Variants in PGLYRP3 observed in about 807,000 individuals in gnomAD.
PGLYRP3 encodes peptidoglycan recognition protein 3.
A neutral mutation model predicts 36.0 loss-of-function variants in PGLYRP3; 39 were observed. The observed-to-expected ratio is 1.08, with a 90% CI of 0.84 to 1.41. The LOEUF is 1.41. PGLYRP3 is among the 40% of genes most tolerant of loss of function. The probability of loss-of-function intolerance (pLI) is 0.00; values close to 1 mark genes in which losing one functional copy is unlikely to be tolerated. For synonymous variants in PGLYRP3, 204 were observed against 172.8 expected, an observed-to-expected ratio of 1.18 and a Z score of -1.42; for missense variants, 407 against 427.9, an observed-to-expected ratio of 0.95 and a Z score of 0.43.
chr1:153,302,776 G>C (rs939573084), intron 5 of PGLYRP3, among the ~76,000 whole-genome samples, 169 bp from the exon 6 acceptor site: 6 of 152,286 alleles, frequency 3.9e-5, no homozygotes, highest in Admixed American at 1.3e-4. Flanking sequence ...CAGTTGGGAG[G>C]TTTCTGATTC....
At position 153,302,680 on chromosome 1, in the gene PGLYRP3, C is replaced by T. The variant is rs537457474; in HGVS notation, c.530-73G>A. ...CTGTGAGCAATCACTCAACTCCAGG[C>T]TGGATTATTCCTCAGCCTCTCCCAG... On this transcript the variant is annotated intron_variant, in intron 5 of 7. Transcript: ENST00000683862. The T allele has an allele frequency of 6.2e-6, 9 of 1,441,444 alleles. No individual in the cohort carries two copies. The African/African-American group carries it at 7.0e-5, about 11-fold the overall frequency. 89.3% of individuals were successfully genotyped at this position (1,441,444 alleles called of 1,614,324 possible). A position where few individuals can be genotyped will look rare whatever the true frequency, so the allele number is the denominator to read the frequency against.
chr1:153,308,965 C>T (rs903434413), intron 2 of PGLYRP3, among the ~76,000 whole-genome samples: 12 of 150,766 alleles, frequency 8.0e-5, no homozygotes, highest in Non-Finnish European at 3.0e-5. Context: ...CAGAGTGTCC[C>T]ATACCAAGAC....
chr1:153,310,018 T>C (rs910068027), intron 2 of PGLYRP3, among the ~76,000 whole-genome samples: 6 of 152,230 alleles, frequency 3.9e-5, no homozygotes, highest in African/African-American at 1.4e-4. Context: ...GGTCTGTGTA[T>C]GTAAAACAAA....
chr1:153,298,276 T>C (rs1659492420), intron 7 of PGLYRP3, 142 bp from the exon 8 acceptor site: 1 of 908,742 alleles, frequency 1.1e-6, no homozygotes, highest in Non-Finnish European at 1.7e-6. Context: ...TTTACGTAAA[T>C]TGTGGCAATC....
chr1:153,297,293 C>T lies in PGLYRP3; in HGVS notation c.*663G>A, dbSNP rs750754573. On this transcript the variant is annotated 3_prime_UTR_variant, in exon 8 of 8. Coordinates refer to ENST00000683862, the MANE Select transcript of PGLYRP3 (RefSeq NM_052891.3). ...TATAAATCATATCTATAAATAATTA[C>T]AGCCCTTAAGTAAGGGCTGCATCCA... Among the ~76,000 whole-genome samples the T allele has an allele frequency of 1.1e-4, 17 of 151,640 alleles. No homozygotes were observed. The highest frequency in any genetic ancestry group is 2.1e-4 in the Non-Finnish European group (14 of 67,972).
chr1:153,307,903 C>T (rs766719635), intron 2 of PGLYRP3, among the ~76,000 whole-genome samples: 33 of 152,124 alleles, frequency 2.2e-4, no homozygotes, highest in Middle Eastern at 3.2e-3. Flanking sequence ...CATGGGAGCC[C>T]CAGGAGCGCT....
At chr1:153,311,366 G>T (rs939889799) in intron 1 of PGLYRP3, among the ~76,000 whole-genome samples, 1 of 152,140 alleles carries the variant, frequency 6.6e-6, no homozygotes, top group Non-Finnish European at 1.5e-5. Context: ...TATGAGACCC[G>T]CACTTATCAT....
At chr1:153,308,831 C>T (rs554977928) in intron 2 of PGLYRP3, among the ~76,000 whole-genome samples, 49 of 152,192 alleles carry the variant, frequency 3.2e-4, no homozygotes, top group African/African-American at 1.0e-3. Context: ...AGGCCTTTGT[C>T]CTCCCACCTC....
intron 5 of PGLYRP3, among the ~76,000 whole-genome samples, chr1:153,302,872 G>C (rs1390887265): frequency 2.0e-5 from 3 of 152,220 alleles, no homozygotes; most frequent in Non-Finnish European, 4.4e-5. Flanking sequence ...GGAAAGGGCT[G>C]TGGGTTATAC....
rs146103729 is a variant in PGLYRP3 at position 153,309,892 on chromosome 1, T to C, written c.55+719A>G. On this transcript the variant is annotated intron_variant, in intron 2 of 7. Transcript: ENST00000683862. Reference sequence around the variant, plus strand: ...ATCAGGGCCTCAGCTTCTCCATTCATACAATGAAAGGCCTGTGAGTTTCTC... The same window carrying C: ...ATCAGGGCCTCAGCTTCTCCATTCACACAATGAAAGGCCTGTGAGTTTCTC... 1.1e-3 allele frequency among the ~76,000 whole-genome samples: 169 copies of C among 152,340 alleles called. 2 individuals carry two copies. In the East Asian group the frequency reaches 0.029, roughly 26 times the overall value.
At chr1:153,300,098 T>C (rs1306404968) in intron 6 of PGLYRP3, among the ~76,000 whole-genome samples, 2 of 152,200 alleles carry the variant, frequency 1.3e-5, no homozygotes, top group African/African-American at 4.8e-5. Context: ...TCTCTGAGTC[T>C]GCTATGAGGC....
chr1:153,300,526 A>C (rs532238098), intron 6 of PGLYRP3, among the ~76,000 whole-genome samples: 1 of 152,346 alleles, frequency 6.6e-6, no homozygotes, highest in East Asian at 1.9e-4. Flanking sequence ...AGGAGGTTGA[A>C]AAGGGTGGAC....
At position 153,297,724 on chromosome 1, in the gene PGLYRP3, T is replaced by C. The variant is rs1260736798; in HGVS notation, c.*232A>G. 2.4e-6 allele frequency: 1 copy of C among 424,892 alleles called. No individual in the cohort carries two copies. The highest frequency in any genetic ancestry group is 2.2e-5 in the African/African-American group (1 of 46,370). The allele number at this position is 424,892 out of a possible 1,614,324, so 26.3% of individuals were successfully genotyped here. A position where few individuals can be genotyped will look rare whatever the true frequency, so the allele number is the denominator to read the frequency against. On this transcript the variant is annotated 3_prime_UTR_variant, in exon 8 of 8. Coordinates refer to ENST00000683862, the MANE Select transcript of PGLYRP3 (RefSeq NM_052891.3). ...AGGAGGTAAGTGCCCAGGGGAGAGG[T>C]AGGTAAAAGAGAGGGGAAGTCTAAA...
chr1:153,301,250 T>C (rs1462343111), intron 6 of PGLYRP3, among the ~76,000 whole-genome samples: 1 of 152,210 alleles, frequency 6.6e-6, no homozygotes, highest in Admixed American at 6.5e-5. Flanking sequence ...AATCTCTCTC[T>C]GTTTGTTGTT....
At position 153,307,213 on chromosome 1, in the gene PGLYRP3, C is replaced by CT; in HGVS notation, c.109dup (p.Arg37LysfsTer56). The CT allele has an allele frequency of 6.2e-7, 1 of 1,611,660 alleles. No individual in the cohort carries two copies. Among genetic ancestry groups the CT allele is most frequent in the Non-Finnish European group, 8.5e-7 (1 of 1,179,102 alleles). On this transcript the variant is annotated frameshift_variant, in exon 3 of 8. Coordinates refer to ENST00000683862, the MANE Select transcript of PGLYRP3 (RefSeq NM_052891.3). LOFTEE classifies it high-confidence loss of function. The stretch of plus-strand genomic sequence containing the variant: ...GGCCACAGGCAGGGTCAGCAGGGCC[C>CT]TGCAGGCGAGCGGTCTTGCCCCCCA...
In PGLYRP3 at chr1:153,297,880, G is replaced by C; in HGVS notation, c.*76C>G. 6.6e-7 allele frequency: 1 copy of C among 1,514,806 alleles called. No individual in the cohort carries two copies. Among genetic ancestry groups the C allele is most frequent in the Non-Finnish European group, 9.0e-7 (1 of 1,106,480 alleles). 93.8% of individuals were successfully genotyped at this position (1,514,806 alleles called of 1,614,324 possible). On this transcript the variant is annotated 3_prime_UTR_variant, in exon 8 of 8. Transcript: ENST00000683862. ...GCAGGGGAGGGGGACACAAGGTGCT[G>C]AGCCACCTTGGCTGGTGAGGGTTGG...
intron 2 of PGLYRP3, among the ~76,000 whole-genome samples, chr1:153,309,338 G>A (rs1403349882): frequency 6.6e-6 from 1 of 152,190 alleles, no homozygotes; most frequent in East Asian, 1.9e-4. Context: ...CCAAGTCTTA[G>A]GGAAGTTAGG....
chr1:153,312,407 C>T (rs911694681), intron 1 of PGLYRP3, among the ~76,000 whole-genome samples: 11 of 152,182 alleles, frequency 7.2e-5, no homozygotes, highest in Non-Finnish European at 1.2e-4. Context: ...GAGGTAACCT[C>T]AGAACCCACA....
At position 153,307,186 on chromosome 1, in the gene PGLYRP3, T is replaced by G; in HGVS notation, c.137A>C (p.Tyr46Ser). ...CRALLTLPVA[Y>S]IITDQLPGMQ... ...CCCTGGGAGCTGGTCTGTGATGATG[T>G]AGGCCACAGGCAGGGTCAGCAGGGC... is the stretch of plus-strand genomic sequence containing the variant. The change falls in exon 3 of 8, where the codon TAC becomes TCC. Residue 46 changes from tyrosine (Y) to serine (S), a missense_variant. Tyr to Ser is a moderately radical substitution (Grantham distance 144). Transcript: ENST00000683862. 2 of 1,612,408 alleles carry G rather than the reference T, an allele frequency of 1.2e-6. No individual in the cohort carries two copies. Among genetic ancestry groups the G allele is most frequent in the Non-Finnish European group, 8.5e-7 (1 of 1,179,332 alleles).
Sources: gnomAD v4.1 joint callset for allele counts (sites outside exome capture counted in the v4.1 genomes callset) on GRCh38, gnomAD v4.1.1 for gene constraint, MANE v1.5 for transcripts, NCBI Gene and HGNC (gene_info 2026-07-23, HGNC 2026-07-21) for gene names.